The following TTLL7 variants were observed in gnomAD, a reference collection of about 807,000 sequenced individuals.
TTLL7 encodes the protein tubulin polyglutamylase TTLL7.
In TTLL7, 53 loss-of-function variants were observed where a neutral mutation model predicts 120.2. The observed-to-expected ratio is 0.44, with a 90% CI of 0.35 to 0.55. The LOEUF is 0.55. Among genes scored for constraint, TTLL7 ranks in the 20% least tolerant of loss-of-function variants. TTLL7 has a pLI of 0.00. For missense variants in TTLL7, 803 were observed against 1,054.7 expected, an observed-to-expected ratio of 0.76 and a Z score of 3.31; for synonymous variants, 353 against 351.7, an observed-to-expected ratio of 1.00 and a Z score of -0.04.
chr1:83,936,501 T>G (rs1305166213), intron 8 of TTLL7, among the ~76,000 whole-genome samples: 1 of 152,226 alleles, frequency 6.6e-6, no homozygotes, highest in Admixed American at 6.5e-5. Flanking sequence ...ACCATTTTGA[T>G]GCTTCTGACT....
intron 1 of TTLL7, among the ~76,000 whole-genome samples, chr1:83,959,804 A>G (rs1418705236): frequency 6.6e-6 from 1 of 152,212 alleles, no homozygotes; most frequent in Admixed American, 6.5e-5. Flanking sequence ...CACTCATACA[A>G]TGAAAATACT....
At chr1:83,924,428 C>A (rs950226542) in intron 10 of TTLL7, among the ~76,000 whole-genome samples, 3 of 152,160 alleles carry the variant, frequency 2.0e-5, no homozygotes, top group African/African-American at 7.2e-5. Context: ...CATTGAAGAA[C>A]TTGAAAACAT....
intron 9 of TTLL7, among the ~76,000 whole-genome samples, chr1:83,932,817 T>C (rs975955728): frequency 1.3e-5 from 2 of 152,120 alleles, no homozygotes; most frequent in African/African-American, 4.8e-5. Flanking sequence ...AAACATGATA[T>C]TTAAGCGGCC....
rs1007191212 is a variant in TTLL7 at position 83,921,089 on chromosome 1, A to G, written c.1362T>C (p.Tyr454=). 8.7e-6 allele frequency: 14 copies of G among 1,612,028 alleles called. No homozygotes were observed. The highest frequency in any genetic ancestry group is 4.5e-5 in the East Asian group (2 of 44,842). The change falls in exon 12 of 21, where the codon TAT becomes TAC. Residue 454 remains tyrosine (Y), a splice_region_variant and synonymous_variant. Transcript: ENST00000260505. ...TACAAAAATAGCAGCACAGTTACCT[A>G]TAATTCCCCATATGTCGATTTTCAT... ...EEHENRHMGN[Y]RRIYPPEDKA...
chr1:83,875,747 C>T (rs1031262367), intron 20 of TTLL7, among the ~76,000 whole-genome samples: 1 of 151,726 alleles, frequency 6.6e-6, no homozygotes, highest in Non-Finnish European at 1.5e-5. Context: ...TATTGGTCCT[C>T]GTTTTTCAAT....
chr1:83,938,044 A>G (rs760025268), intron 7 of TTLL7, 28 bp from the exon 8 acceptor site: 1 of 1,610,396 alleles, frequency 6.2e-7, no homozygotes, highest in African/African-American at 1.3e-5. Flanking sequence ...CAAAGTTGTT[A>G]CCACCTATGA....
chr1:83,930,142 C>T (rs1029276466), intron 9 of TTLL7, among the ~76,000 whole-genome samples: 1 of 152,008 alleles, frequency 6.6e-6, no homozygotes, highest in Non-Finnish European at 1.5e-5. Context: ...ACCTGTAATC[C>T]CACTACTTAA....
rs1216557074 is a variant in TTLL7, at chr1:83,923,452, TA to T, written c.1143-2059del. 3.3e-5 allele frequency among the ~76,000 whole-genome samples: 5 copies of T among 151,986 alleles called. No homozygotes were observed. The East Asian group carries it at 9.7e-4, about 29-fold the overall frequency. On this transcript the variant is annotated intron_variant, in intron 10 of 20. Transcript: ENST00000260505. ...AGATGAGATGATATGATGAGTATTC[TA>T]TGAAAAAAATAAACACAGATCTATA...
At chr1:83,998,655 C>T (rs948262428) in intron 1 of TTLL7, among the ~76,000 whole-genome samples, 15 of 145,652 alleles carry the variant, frequency 1.0e-4, no homozygotes, top group African/African-American at 3.2e-4. Context: ...AGTCTCCCAT[C>T]TGGAGCCTAA....
chr1:83,942,164 A>G (rs1648041220), intron 7 of TTLL7, among the ~76,000 whole-genome samples: 1 of 152,144 alleles, frequency 6.6e-6, no homozygotes, highest in Non-Finnish European at 1.5e-5. Context: ...TAATATAGTC[A>G]TTTCTATACA....
At chr1:83,977,245 G>C (rs1195910419) in intron 1 of TTLL7, among the ~76,000 whole-genome samples, 1 of 151,806 alleles carries the variant, frequency 6.6e-6, no homozygotes, top group Non-Finnish European at 1.5e-5. Context: ...AATTTACTTA[G>C]CATTAGAAGA....
chr1:83,893,968 A>C (rs932592882), intron 18 of TTLL7, among the ~76,000 whole-genome samples: 10 of 152,090 alleles, frequency 6.6e-5, no homozygotes, highest in Non-Finnish European at 1.2e-4. Context: ...ATATCTTAAA[A>C]CTTCACAACA....
In TTLL7 at chr1:83,869,993, ACATTGGAGCGAGT is replaced by A; in HGVS notation, c.2620_2632del (p.Thr874PhefsTer22). On this transcript the variant is annotated frameshift_variant, in exon 21 of 21. Coordinates refer to ENST00000260505, the MANE Select transcript of TTLL7 (RefSeq NM_024686.6). LOFTEE classifies it high-confidence loss of function. ...ATGGCCATATCTGGATGTAAACAAA[ACATTGGAGCGAGT>A]CATTCCAGGTGAATTGTACTTCAAG... 3 of 1,593,646 alleles carry A rather than the reference ACATTGGAGCGAGT, an allele frequency of 1.9e-6. No homozygotes were observed. The highest frequency in any genetic ancestry group is 2.6e-6 in the Non-Finnish European group (3 of 1,172,868).
intron 16 of TTLL7, 114 bp downstream of exon 16, chr1:83,907,342 A>G (rs1657276843): frequency 1.1e-6 from 1 of 895,768 alleles, no homozygotes; most frequent in Admixed American, 2.3e-5. Flanking sequence ...TCAAGAGGTC[A>G]TGAGTTGAAT....
intron 1 of TTLL7, among the ~76,000 whole-genome samples, chr1:83,975,798 T>C (rs1362533186): frequency 6.6e-6 from 1 of 152,132 alleles, no homozygotes; most frequent in Non-Finnish European, 1.5e-5. Flanking sequence ...AGTACAGATG[T>C]AGTAAAAACG....
At chr1:83,885,888 C>T (rs1177208909) in intron 19 of TTLL7, among the ~76,000 whole-genome samples, 2 of 152,004 alleles carry the variant, frequency 1.3e-5, no homozygotes, top group Admixed American at 6.6e-5. Flanking sequence ...TATCAAAGAA[C>T]CCCAGGTCTC....
At chr1:83,937,085 A>G (rs1647462404) in intron 8 of TTLL7, among the ~76,000 whole-genome samples, 1 of 152,214 alleles carries the variant, frequency 6.6e-6, no homozygotes. Context: ...TGTACAATGC[A>G]TAGCATATTC....
At chr1:83,875,966 T>G (rs894580778) in intron 20 of TTLL7, among the ~76,000 whole-genome samples, 2 of 151,986 alleles carry the variant, frequency 1.3e-5, no homozygotes, top group East Asian at 3.9e-4. Context: ...TTATTAAAAT[T>G]TTTTGGTTCT....
rs747996561 is a variant in TTLL7, at chr1:83,942,675, A to C, written c.511T>G (p.Ser171Ala). Residue 171 changes from serine to alanine, a missense_variant, in exon 7 of 21, where the codon TCT (serine) becomes GCT (alanine). Around this residue, in one of 3 missense-constraint regions of TTLL7, gnomAD observed 324 missense variants for 507.7 expected, o/e 0.64. Coordinates refer to ENST00000260505, the MANE Select transcript of TTLL7 (RefSeq NM_024686.6). ...AGTTTGTCACCATTTCTTATCAAAG[A>C]AATCCTATGTTTAAAGAAAAAAATT... ...PANGAMGHGI[S>A]LIRNGDKLPS... is the part of the protein sequence containing the mutation. 4 of 1,608,438 alleles carry C rather than the reference A, an allele frequency of 2.5e-6. No homozygotes were observed. The South Asian group carries it at 4.4e-5, about 18-fold the overall frequency.
Sources: allele counts gnomAD v4.1 joint callset (sites outside exome capture counted in the v4.1 genomes callset), GRCh38; gene constraint gnomAD v4.1.1; regional missense constraint gnomAD v4.1.1; transcripts MANE v1.5; gene names NCBI Gene and HGNC (gene_info 2026-07-23, HGNC 2026-07-21).